Variants in CEP112 observed in about 807,000 individuals in gnomAD.
CEP112 encodes the protein centrosomal protein 112, also known as centrosomal protein of 112 kDa.
Under a neutral mutation model 153.0 loss-of-function variants are expected in CEP112, and 127 were observed. The observed-to-expected ratio is 0.83, with a 90% CI of 0.72 to 0.96. The LOEUF (loss-of-function observed/expected upper bound fraction) is 0.96. Ranked by LOEUF, CEP112 falls within the 40% of genes least tolerant of loss-of-function variation. The pLI, the probability that CEP112 is intolerant of heterozygous loss-of-function variation, is 0.00. For missense variants in CEP112, 1,089 were observed against 1,101.2 expected (o/e 0.99, Z 0.16); for synonymous variants, 358 against 374.4 (o/e 0.96, Z 0.51).
intron 23 of CEP112, 101 bp from the exon 24 acceptor site, chr17:65,689,319 T>C (rs982740002): frequency 1.5e-5 from 11 of 744,998 alleles, no homozygotes; most frequent in South Asian, 3.4e-5. Context: ...ATCTCTAGTT[T>C]ATTACTCTTG....
intron 21 of CEP112, among the ~76,000 whole-genome samples, chr17:65,827,881 GT>G (rs1299099362): frequency 2.0e-5 from 3 of 152,126 alleles, no homozygotes; most frequent in African/African-American, 4.8e-5. Context: ...CTTCAAATTT[GT>G]TTGAATGTTA....
chr17:65,954,221 TCCA>T (rs1315261948), intron 18 of CEP112, among the ~76,000 whole-genome samples: 1 of 152,092 alleles, frequency 6.6e-6, no homozygotes, highest in Non-Finnish European at 1.5e-5. Context: ...GCCTGGTAGC[TCCA>T]CTGGGTGGCT....
chr17:65,836,378 G>A (rs1397911877), intron 21 of CEP112, among the ~76,000 whole-genome samples: 1 of 152,156 alleles, frequency 6.6e-6, no homozygotes, highest in East Asian at 1.9e-4. Context: ...AGATTCAACT[G>A]TACGCTGTCT....
At chr17:66,025,373 T>C (rs2065157440) in intron 16 of CEP112, among the ~76,000 whole-genome samples, 1 of 152,038 alleles carries the variant, frequency 6.6e-6, no homozygotes, top group Non-Finnish European at 1.5e-5. Flanking sequence ...ATTTGCAAAC[T>C]ATGCATCTGG....
intron 21 of CEP112, among the ~76,000 whole-genome samples, chr17:65,758,836 G>T (rs1039460653): frequency 6.6e-6 from 1 of 152,124 alleles, no homozygotes; most frequent in Non-Finnish European, 1.5e-5. Context: ...AGCTTTGTAG[G>T]CATCTATTTG....
intron 4 of CEP112, among the ~76,000 whole-genome samples, chr17:66,147,764 C>T (rs1323003663): frequency 2.0e-5 from 3 of 152,158 alleles, no homozygotes; most frequent in African/African-American, 4.8e-5. Flanking sequence ...GTGGAAATGA[C>T]TGTCCTTTTC....
intron 12 of CEP112, among the ~76,000 whole-genome samples, chr17:66,046,377 A>G (rs1488025767): frequency 1.3e-5 from 2 of 152,180 alleles, no homozygotes; most frequent in East Asian, 3.9e-4. Flanking sequence ...CAAAGAAAGC[A>G]TACACCATAC....
intron 20 of CEP112, among the ~76,000 whole-genome samples, chr17:65,893,841 C>G (rs1156583655): frequency 6.6e-6 from 1 of 152,064 alleles, no homozygotes; most frequent in African/African-American, 2.4e-5. Flanking sequence ...TGCAAGTAGG[C>G]ATGATTCCAA....
chr17:65,855,036 G>A (rs1369343986), intron 20 of CEP112, among the ~76,000 whole-genome samples: 1 of 152,062 alleles, frequency 6.6e-6, no homozygotes, highest in Non-Finnish European at 1.5e-5. Flanking sequence ...ATCAATCCTG[G>A]AGAAAGCACA....
In CEP112 at chr17:65,743,388, G is replaced by T. The variant is rs889421121; in HGVS notation, c.2458-171C>A. Among the ~76,000 whole-genome samples the T allele has an allele frequency of 1.3e-5, 2 of 152,160 alleles. 1 individual carries two copies. Among genetic ancestry groups the T allele is most frequent in the Admixed American group, 1.3e-4 (2 of 15,282 alleles). On this transcript the variant is annotated intron_variant, in intron 22 of 26. Transcript: ENST00000535342. ...ATGCATGAAATACCACACAATAAAA[G>T]ACTTTAATAAAAATGTGAATGGTGA... is the stretch of plus-strand genomic sequence containing the variant.
At chr17:65,816,179 A>G (rs528997252) in intron 21 of CEP112, among the ~76,000 whole-genome samples, 1 of 152,118 alleles carries the variant, frequency 6.6e-6, no homozygotes, top group Non-Finnish European at 1.5e-5. Flanking sequence ...GCTGAAATAT[A>G]AATCACATAC....
At chr17:66,110,577 G>A (rs1324796176) in intron 6 of CEP112, among the ~76,000 whole-genome samples, 1 of 150,712 alleles carries the variant, frequency 6.6e-6, no homozygotes, top group African/African-American at 2.4e-5. Context: ...CAATGGATTC[G>A]ATCTTATATT....
At chr17:65,985,132 C>A (rs188842148) in intron 17 of CEP112, among the ~76,000 whole-genome samples, 1 of 152,048 alleles carries the variant, frequency 6.6e-6, no homozygotes, top group East Asian at 1.9e-4. Context: ...AGAGAGAAGC[C>A]GCAGTTGAAG....
chr17:65,784,924 T>C (rs1407536459), intron 21 of CEP112, among the ~76,000 whole-genome samples: 2 of 152,156 alleles, frequency 1.3e-5, no homozygotes, highest in Non-Finnish European at 2.9e-5. Flanking sequence ...AATATTTTCA[T>C]CACCTCAAAA....
chr17:66,061,503 T>TGC (rs2066918057), intron 11 of CEP112, among the ~76,000 whole-genome samples: 1 of 151,662 alleles, frequency 6.6e-6, no homozygotes, highest in South Asian at 2.1e-4. Context: ...TTATTCACAA[T>TGC]AGTCAAGATA....
chr17:65,821,884 G>A (rs1459445404), intron 21 of CEP112, among the ~76,000 whole-genome samples: 1 of 151,542 alleles, frequency 6.6e-6, no homozygotes, highest in Non-Finnish European at 1.5e-5. Context: ...CGTTTAAAAT[G>A]TCACTAATTC....
intron 24 of CEP112, among the ~76,000 whole-genome samples, chr17:65,659,400 A>G (rs1232035765): frequency 2.0e-5 from 3 of 152,214 alleles, no homozygotes; most frequent in Non-Finnish European, 2.9e-5. Flanking sequence ...AGTACCAATT[A>G]TCTCCTTATG....
At chr17:66,138,107 T>A (rs561908361) in intron 4 of CEP112, among the ~76,000 whole-genome samples, 27 of 152,294 alleles carry the variant, frequency 1.8e-4, no homozygotes, top group African/African-American at 6.5e-4. Flanking sequence ...AAGAAGGCTT[T>A]ATTTGGGCAC....
chr17:66,189,046 G>C (rs1258375120), intron 1 of CEP112, among the ~76,000 whole-genome samples: 2 of 152,242 alleles, frequency 1.3e-5, no homozygotes, highest in East Asian at 3.9e-4. Flanking sequence ...GGAAATGTTA[G>C]TGTTTAACAT....
Sources: allele counts gnomAD v4.1 joint callset (sites outside exome capture counted in the v4.1 genomes callset), GRCh38; gene constraint gnomAD v4.1.1; transcripts MANE v1.5; gene names NCBI Gene and HGNC (gene_info 2026-07-23, HGNC 2026-07-21).